ATP2B2: variants seen among roughly 807,000 people sequenced by gnomAD.
The protein encoded by ATP2B2 is plasma membrane calcium-transporting ATPase 2.
A neutral mutation model predicts 120.0 loss-of-function variants in ATP2B2; 15 were observed. The ratio of observed to expected loss-of-function variants is 0.12; its 90% CI spans 0.08 to 0.19. ATP2B2 has a LOEUF of 0.19. Ranked by LOEUF, ATP2B2 falls within the 10% of genes least tolerant of loss-of-function variation. The pLI, the probability that ATP2B2 is intolerant of heterozygous loss-of-function variation, is 1.00. For synonymous variants in ATP2B2, 694 were observed against 700.3 expected, an observed-to-expected ratio of 0.99 and a Z score of 0.14; for missense variants, 1,045 against 1,719.8, an observed-to-expected ratio of 0.61 and a Z score of 6.94.
chr3:10,452,141 G>A (rs997243746), intron 1 of ATP2B2, among the ~76,000 whole-genome samples: 1 of 152,266 alleles, frequency 6.6e-6, no homozygotes, highest in Admixed American at 6.5e-5. Context: ...GAGGGGTGAA[G>A]TCACTTGCCC....
intron 3 of ATP2B2, among the ~76,000 whole-genome samples, chr3:10,524,555 G>T (rs773882049): frequency 1.3e-5 from 2 of 152,090 alleles, no homozygotes; most frequent in Non-Finnish European, 2.9e-5. Flanking sequence ...CTCTTTTCTG[G>T]GAGAATGGCC....
chr3:10,395,440 A>C lies in ATP2B2; in HGVS notation c.781+5513T>G, dbSNP rs554013452. On this transcript the variant is annotated intron_variant, in intron 5 of 22. Transcript: ENST00000360273. ...TGGCTGTGTTGTGGTTATGCATGAG[A>C]ATACCCTTGCTCTTGGGAGACACAC... Among the ~76,000 whole-genome samples the C allele has an allele frequency of 3.9e-5, 6 of 152,286 alleles. No homozygotes were observed. The East Asian group carries it at 1.2e-3, about 29-fold the overall frequency.
chr3:10,427,991 T>C (rs1044665242), intron 2 of ATP2B2, among the ~76,000 whole-genome samples: 1 of 152,224 alleles, frequency 6.6e-6, no homozygotes, highest in Non-Finnish European at 1.5e-5. Flanking sequence ...GTAGAATGGA[T>C]TCAACTCCAG....
Position 10,638,426 on chromosome 3 carries a change from G to A in ATP2B2, c.-459-18465C>T, listed in dbSNP as rs74279941. ...TGAAGTGGTATAATATTACTTGAAG[G>A]TAGACTGTGATAAGTTAAAAAAAAC... On this transcript the variant is annotated intron_variant, in intron 1 of 21. Transcript: ENST00000646379. 3.6e-3 allele frequency among the ~76,000 whole-genome samples: 544 copies of A among 152,202 alleles called. 9 individuals carry two copies. In the East Asian group the frequency reaches 0.04, roughly 11 times the overall value.
rs1278620830 is a variant in ATP2B2 at position 10,375,372 on chromosome 3, C to G, written c.1416+58G>C. The stretch of plus-strand genomic sequence containing the variant: ...CCCCAGCACCAGCCCCAGTGATTCC[C>G]CCAGGCCCTCAGCTGCAGCTGCATC... On this transcript the variant is annotated intron_variant, in intron 11 of 22. Transcript: ENST00000360273. The surrounding 1 kb of genome is among the most constrained non-coding windows in gnomAD (Gnocchi z 4.2). 2.0e-6 allele frequency: 3 copies of G among 1,472,722 alleles called. No individual in the cohort carries two copies. The highest frequency in any genetic ancestry group is 2.3e-5 in the South Asian group (2 of 87,974). The allele number at this position is 1,472,722 out of a possible 1,614,324, so 91.2% of individuals were successfully genotyped here. A position where few individuals can be genotyped will look rare whatever the true frequency, so the allele number is the denominator to read the frequency against.
intron 3 of ATP2B2, among the ~76,000 whole-genome samples, chr3:10,529,792 G>A (rs1459699996): frequency 6.6e-6 from 1 of 152,148 alleles, no homozygotes; most frequent in African/African-American, 2.4e-5. Flanking sequence ...ACTAGAATGG[G>A]CCCTAATCTG....
At chr3:10,376,493 A>G (rs926244971) in intron 10 of ATP2B2, among the ~76,000 whole-genome samples, 2 of 152,184 alleles carry the variant, frequency 1.3e-5, no homozygotes, top group Admixed American at 6.5e-5. Context: ...AGCCACAGGC[A>G]AGAGAAATGC....
At chr3:10,590,192 G>T (rs1460594696) in intron 2 of ATP2B2, among the ~76,000 whole-genome samples, 1 of 152,150 alleles carries the variant, frequency 6.6e-6, no homozygotes, top group Non-Finnish European at 1.5e-5. Flanking sequence ...TATGATTTTT[G>T]ATATGATTCA....
At position 10,340,601 on chromosome 3, in the gene ATP2B2, G is replaced by C. The variant is rs1282784771; in HGVS notation, c.3021C>G (p.Leu1007=). The C allele has an allele frequency of 1.2e-6, 2 of 1,614,242 alleles. No individual in the cohort carries two copies. Among genetic ancestry groups the C allele is most frequent in the African/African-American group, 1.3e-5 (1 of 75,060 alleles). ...IIFNTFVMMQ[L]FNEINARKIH... ...TCTTGCGGGCGTTGATCTCGTTGAA[G>C]AGCTGCATCATGACGAAGGTGTTGA... The change falls in exon 20 of 23, where the codon CTC becomes CTG. Residue 1007 remains leucine (L), a synonymous_variant. Transcript: ENST00000360273. The surrounding 1 kb of genome is among the most constrained non-coding windows in gnomAD (Gnocchi z 5.0).
Position 10,678,993 on chromosome 3 carries a change from T to C in ATP2B2, c.-460+28922A>G, listed in dbSNP as rs539640665. Among the ~76,000 whole-genome samples, 25 of 152,308 alleles carry C rather than the reference T, an allele frequency of 1.6e-4. No homozygotes were observed. In the South Asian group the frequency reaches 3.7e-3, roughly 23 times the overall value. On this transcript the variant is annotated intron_variant, in intron 1 of 21. Coordinates refer to the ATP2B2 transcript ENST00000646379. ...TGTAGGTGGGCCTGACTTAATCAGG[T>C]GATCCTTTAGTATGGGATCTGGAAG...
chr3:10,634,251 T>C (rs2069957123), intron 1 of ATP2B2, among the ~76,000 whole-genome samples: 1 of 152,244 alleles, frequency 6.6e-6, no homozygotes, highest in African/African-American at 2.4e-5. Context: ...TGCTCCTAAG[T>C]GATGCACAAG....
At chr3:10,430,852 C>T (rs1053924211) in intron 2 of ATP2B2, among the ~76,000 whole-genome samples, 6 of 151,512 alleles carry the variant, frequency 4.0e-5, no homozygotes, top group African/African-American at 1.2e-4. Context: ...TTCTGTGACC[C>T]CTTTTCTTTA....
upstream of ATP2B2, among the ~76,000 whole-genome samples, chr3:10,509,234 G>C (rs1457000497): frequency 1.3e-5 from 2 of 152,146 alleles, no homozygotes; most frequent in Admixed American, 1.3e-4. Context: ...TGTGTCTTCG[G>C]TATGAGACGT....
chr3:10,361,398 T>C (rs1355792594), intron 12 of ATP2B2, among the ~76,000 whole-genome samples: 1 of 152,218 alleles, frequency 6.6e-6, no homozygotes, highest in African/African-American at 2.4e-5. Context: ...AACTGCTCTA[T>C]AGATGCCATG....
At chr3:10,334,230 G>A (rs1360266394) in intron 22 of ATP2B2, among the ~76,000 whole-genome samples, 1 of 152,208 alleles carries the variant, frequency 6.6e-6, no homozygotes, top group East Asian at 1.9e-4. Context: ...AGGCTCAACT[G>A]GGATGGACAA....
intron 5 of ATP2B2, among the ~76,000 whole-genome samples, chr3:10,391,564 C>T (rs1044200832): frequency 6.6e-6 from 1 of 152,212 alleles, no homozygotes. Flanking sequence ...TCTACACCCA[C>T]ATCCGGAGGC....
chr3:10,362,590 T>C (rs1008702620), intron 12 of ATP2B2, among the ~76,000 whole-genome samples: 10 of 152,082 alleles, frequency 6.6e-5, no homozygotes, highest in Middle Eastern at 3.4e-3. Flanking sequence ...GAGGGTAGAG[T>C]GAGGAAGAAC....
At chr3:10,503,056 A>G (rs1265643086) in intron 1 of ATP2B2, among the ~76,000 whole-genome samples, 2 of 152,136 alleles carry the variant, frequency 1.3e-5, no homozygotes, top group Non-Finnish European at 2.9e-5. Flanking sequence ...CTGGATTACT[A>G]TTATTTACTT....
chr3:10,380,200 C>T (rs566620946), intron 8 of ATP2B2, among the ~76,000 whole-genome samples: 62 of 152,376 alleles, frequency 4.1e-4, no homozygotes, highest in African/African-American at 1.5e-3. Context: ...CCACTCCAGC[C>T]TTGGCCAGGA....
Sources: gnomAD v4.1 joint callset for allele counts (sites outside exome capture counted in the v4.1 genomes callset) on GRCh38, gnomAD v4.1.1 for gene constraint, Gnocchi (gnomAD v3.1) non-coding constraint, MANE v1.5 for transcripts, NCBI Gene and HGNC (gene_info 2026-07-23, HGNC 2026-07-21) for gene names.